ERCC8: variants seen among roughly 807,000 people sequenced by gnomAD.
ERCC8 encodes the protein DNA excision repair protein ERCC-8.
Under a neutral mutation model 54.9 loss-of-function variants are expected in ERCC8, and 52 were observed. The observed-to-expected ratio is 0.95, with a 90% confidence interval of 0.76 to 1.19. ERCC8 has a LOEUF of 1.19. Ranked by LOEUF, ERCC8 falls within the 50% of genes most tolerant of loss-of-function variation. The probability of loss-of-function intolerance (pLI) is 0.00; values close to 1 mark genes in which losing one functional copy is unlikely to be tolerated. For missense variants in ERCC8, 514 were observed against 466.1 expected, an observed-to-expected ratio of 1.10 and a Z score of -0.95; for synonymous variants, 146 against 157.2, an observed-to-expected ratio of 0.93 and a Z score of 0.53.
intron 7 of ERCC8, chr5:60,900,612 C>T (rs998067672): frequency 1.3e-5 from 2 of 152,006 alleles, no homozygotes; most frequent in Non-Finnish European, 1.5e-5. Context: ...GACCATCAAA[C>T]CTAGCCAACT....
In ERCC8 at chr5:60,873,942, G is replaced by A. The variant is rs1561491130; in HGVS notation, c.*673C>T. On this transcript the variant is annotated 3_prime_UTR_variant, in exon 12 of 12. Transcript: ENST00000676185. ...GCAGGATTTGGTCATACCTTAATGA[G>A]TTTCACAGAAAAAGAGTTCAAGCAT... 2 of 152,102 alleles carry A rather than the reference G, an allele frequency of 1.3e-5. No homozygotes were observed. Among genetic ancestry groups the A allele is most frequent in the Non-Finnish European group, 2.9e-5 (2 of 68,042 alleles). 9.4% of individuals were successfully genotyped at this position (152,102 alleles called of 1,614,324 possible). A position where few individuals can be genotyped will look rare whatever the true frequency, so the allele number is the denominator to read the frequency against.
intron 9 of ERCC8, chr5:60,892,684 C>A: frequency 1.5e-6 from 1 of 669,926 alleles, no homozygotes. Flanking sequence ...ATGGGGTCTG[C>A]CAGTCTCTAG....
At chr5:60,903,522 T>G in intron 6 of ERCC8, 126 bp downstream of exon 6, 10 of 1,484,888 alleles carry the variant, frequency 6.7e-6, no homozygotes, top group Non-Finnish European at 9.1e-6. Flanking sequence ...ATTTCCCTGC[T>G]GAGTCTCAAC....
At chr5:60,917,921 GATA>G (rs1749485004) in intron 4 of ERCC8, 3 of 236,388 alleles carry the variant, frequency 1.3e-5, no homozygotes, top group Non-Finnish European at 2.5e-5. Context: ...TTCACAAAGG[GATA>G]ATAATATTAG....
At chr5:60,875,693 G>C (rs1297257808) in intron 11 of ERCC8, among the ~76,000 whole-genome samples, 4 of 151,710 alleles carry the variant, frequency 2.6e-5, no homozygotes, top group Non-Finnish European at 4.4e-5. Flanking sequence ...TTATAACTTA[G>C]AGAAATTTTT....
intron 10 of ERCC8, among the ~76,000 whole-genome samples, chr5:60,888,561 T>A (rs186198610): frequency 8.1e-4 from 124 of 152,294 alleles, no homozygotes; most frequent in African/African-American, 2.8e-3. Flanking sequence ...AAAGAGATAT[T>A]GAAAGCAGCA....
intron 11 of ERCC8, among the ~76,000 whole-genome samples, chr5:60,878,516 T>G (rs925396339): frequency 6.6e-6 from 1 of 152,222 alleles, no homozygotes; most frequent in African/African-American, 2.4e-5. Flanking sequence ...TTTTTTTGGT[T>G]GGTAAGCTAT....
At chr5:60,918,102 C>A in intron 4 of ERCC8, 163 bp downstream of exon 4, 1 of 624,374 alleles carries the variant, frequency 1.6e-6, no homozygotes, top group Non-Finnish European at 2.9e-6. Flanking sequence ...CTGTCAGCAG[C>A]ACAGCCAGGA....
chr5:60,921,555 C>T (rs1250799947), intron 3 of ERCC8, among the ~76,000 whole-genome samples: 1 of 151,814 alleles, frequency 6.6e-6, no homozygotes, highest in Non-Finnish European at 1.5e-5. Context: ...TTAAGTTAGA[C>T]ATCTTTGAGT....
intron 11 of ERCC8, among the ~76,000 whole-genome samples, chr5:60,877,713 A>G (rs1003604073): frequency 6.6e-6 from 1 of 152,142 alleles, no homozygotes; most frequent in African/African-American, 2.4e-5. Context: ...ATTTTTGCAC[A>G]TTGATTTTGT....
chr5:60,880,520 G>C (rs1296605961), intron 11 of ERCC8, among the ~76,000 whole-genome samples: 1 of 152,078 alleles, frequency 6.6e-6, no homozygotes, highest in Non-Finnish European at 1.5e-5. Flanking sequence ...TGTAGATTTG[G>C]TCTTTTCACA....
At chr5:60,919,700 T>A (rs1009672445) in intron 3 of ERCC8, 4 of 152,140 alleles carry the variant, frequency 2.6e-5, no homozygotes, top group Non-Finnish European at 5.9e-5. Context: ...AATACTGATA[T>A]AGGATAAATT....
intron 4 of ERCC8, 86 bp downstream of exon 4, chr5:60,918,179 C>A (rs1561510230): frequency 9.3e-7 from 1 of 1,077,988 alleles, no homozygotes; most frequent in Non-Finnish European, 1.4e-6. Flanking sequence ...TATATGACAT[C>A]TCAGCAAATA....
intron 1 of ERCC8, among the ~76,000 whole-genome samples, chr5:60,943,491 A>G (rs1388169271): frequency 6.6e-6 from 1 of 152,184 alleles, no homozygotes. Flanking sequence ...TTCAAAGTCT[A>G]TGGGTGATTG....
intron 1 of ERCC8, among the ~76,000 whole-genome samples, chr5:60,943,838 T>C (rs1580057294): frequency 6.6e-6 from 1 of 152,054 alleles, no homozygotes; most frequent in Non-Finnish European, 1.5e-5. Flanking sequence ...GTGATTGTGA[T>C]GAAAGGCTGA....
chr5:60,913,628 C>T (rs560038641), intron 4 of ERCC8, among the ~76,000 whole-genome samples: 1 of 152,212 alleles, frequency 6.6e-6, no homozygotes, highest in East Asian at 1.9e-4. Context: ...TTCTTGGCTT[C>T]TGCTAACTTT....
At chr5:60,917,182 T>C (rs2112514908) in intron 4 of ERCC8, among the ~76,000 whole-genome samples, 1 of 152,058 alleles carries the variant, frequency 6.6e-6, no homozygotes, top group South Asian at 2.1e-4. Context: ...ATCTCATAAG[T>C]GGCAGAATGG....
At chr5:60,915,670 TCC>T (rs1484144008) in intron 4 of ERCC8, among the ~76,000 whole-genome samples, 1 of 152,014 alleles carries the variant, frequency 6.6e-6, no homozygotes, top group Non-Finnish European at 1.5e-5. Context: ...TGGCTTGTGA[TCC>T]CCTTAATCCA....
chr5:60,913,015 C>T (rs1009059629), intron 4 of ERCC8, among the ~76,000 whole-genome samples: 6 of 152,026 alleles, frequency 3.9e-5, no homozygotes, highest in Admixed American at 1.3e-4. Flanking sequence ...TGAGGATTTT[C>T]GGATCGATGT....
Sources: gnomAD v4.1 joint callset for allele counts (sites outside exome capture counted in the v4.1 genomes callset) on GRCh38, gnomAD v4.1.1 for gene constraint, MANE v1.5 for transcripts, NCBI Gene and HGNC (gene_info 2026-07-23, HGNC 2026-07-21) for gene names.